The following FHAD1 variants were observed in gnomAD, a reference collection of about 807,000 sequenced individuals.
The protein encoded by FHAD1 is forkhead associated phosphopeptide binding domain 1.
FHAD1 carries 146 observed loss-of-function variants against 191.3 expected under a neutral mutation model. The observed-to-expected ratio is 0.76, with a 90% CI of 0.67 to 0.88. The LOEUF (loss-of-function observed/expected upper bound fraction) is 0.88. FHAD1 is among the 40% of genes least tolerant of loss of function. The pLI is 0.00. For missense variants in FHAD1, 1,635 were observed against 1,785.8 expected (o/e 0.92, Z 1.52); for synonymous variants, 616 against 672.3 (o/e 0.92, Z 1.29).
At chr1:15,307,144 TCATTTTGGAG>T (rs965518691) in intron 6 of FHAD1, among the ~76,000 whole-genome samples, 2 of 152,114 alleles carry the variant, frequency 1.3e-5, no homozygotes, top group African/African-American at 4.8e-5. Context: ...AGTCAAAAGA[TCATTTTGGAG>T]CTTTAAAGTT....
At chr1:15,383,958 T>A (rs565577330) in intron 31 of FHAD1, 7 of 386,688 alleles carry the variant, frequency 1.8e-5, no homozygotes, top group South Asian at 1.3e-4. Flanking sequence ...AACTGTCAGC[T>A]TTTATGTGTG....
intron 2 of FHAD1, among the ~76,000 whole-genome samples, chr1:15,256,809 T>C (rs2100893046): frequency 6.6e-6 from 1 of 152,224 alleles, no homozygotes; most frequent in East Asian, 1.9e-4. Context: ...GCGAAGATCA[T>C]GGAGAAAAGC....
At chr1:15,348,033 A>G (rs1689549035) in intron 18 of FHAD1, among the ~76,000 whole-genome samples, 1 of 152,192 alleles carries the variant, frequency 6.6e-6, no homozygotes, top group Admixed American at 6.5e-5. Context: ...AGTCCCTAGG[A>G]AGTGCCTCAA....
In FHAD1 at chr1:15,344,942, C is replaced by T. The variant is rs543401641; in HGVS notation, c.2131-141C>T. ...GTCTCCTGACTCCAGAGCACATGCT[C>T]TGAGCTCCTAGGCTCTGCTGCCCAC... On this transcript the variant is annotated intron_variant, in intron 16 of 33. Transcript: ENST00000688493. The T allele has an allele frequency of 2.0e-5, 13 of 660,158 alleles. No individual in the cohort carries two copies. In the East Asian group the frequency reaches 3.0e-4, roughly 15 times the overall value. The allele number at this position is 660,158 out of a possible 1,614,324, so 40.9% of individuals were successfully genotyped here.
chr1:15,323,618 T>G (rs1040630599), intron 10 of FHAD1, among the ~76,000 whole-genome samples: 7 of 151,992 alleles, frequency 4.6e-5, no homozygotes, highest in African/African-American at 1.7e-4. Context: ...TCTAGGAGAG[T>G]TTGTCTCATT....
rs2102985844 is a variant in FHAD1, at chr1:15,381,071, A to G, written c.3802-160A>G. 6.6e-6 allele frequency among the ~76,000 whole-genome samples: 1 copy of G among 152,342 alleles called. No homozygotes were observed. On this transcript the variant is annotated intron_variant, in intron 29 of 33. Coordinates refer to ENST00000688493, the MANE Select transcript of FHAD1 (RefSeq NM_001391957.1). This position sits in a 1 kb window ranked among gnomAD's most constrained non-coding sequence, Gnocchi z 4.6. Reference sequence around the variant, plus strand: ...AGCGTAAATGGATGTGGGAGAAAGGAAAGTCATGCTGAAAGCCCCAGTTGC... The same window carrying G: ...AGCGTAAATGGATGTGGGAGAAAGGGAAGTCATGCTGAAAGCCCCAGTTGC...
intron 19 of FHAD1, among the ~76,000 whole-genome samples, chr1:15,349,449 C>T (rs1690062528): frequency 6.6e-6 from 1 of 152,216 alleles, no homozygotes; most frequent in Non-Finnish European, 1.5e-5. Flanking sequence ...TTTCTGCTCT[C>T]TGGTTCAGCT....
Position 15,308,727 on chromosome 1 carries a change from A to G in FHAD1, c.1030A>G (p.Ile344Val), listed in dbSNP as rs529500015. The change falls in exon 7 of 34, where the codon ATC (isoleucine) becomes GTC (valine). Residue 344 changes from isoleucine (I) to valine (V), a missense_variant. Ile to Val is a conservative substitution (Grantham distance 29). Transcript: ENST00000688493. ...EGENLKRDNA[I>V]TSGMVSSLQK... ...CGAGAACTTAAAGAGAGACAACGCT[A>G]TCACATCAGGTGAGCCCTTGGAGTC... is the stretch of plus-strand genomic sequence containing the variant. 28 of 1,551,568 alleles carry G rather than the reference A, an allele frequency of 1.8e-5. No individual in the cohort carries two copies. Among genetic ancestry groups the G allele is most frequent in the Middle Eastern group, 1.7e-4 (1 of 6,012 alleles).
chr1:15,380,781 G>A lies in FHAD1; in HGVS notation c.3786G>A (p.Glu1262=). 1 of 1,551,604 alleles carries A rather than the reference G, an allele frequency of 6.4e-7. No homozygotes were observed. The highest frequency in any genetic ancestry group is 8.7e-7 in the Non-Finnish European group (1 of 1,146,968). ...SGKMDVAEAL[E]LSEKLYLDMS... ...AGATGGATGTGGCTGAGGCTTTAGAGCTCAGTGAAAAGCTGGTATGTACAT... is the reference window on the plus strand; with the variant it reads ...AGATGGATGTGGCTGAGGCTTTAGAACTCAGTGAAAAGCTGGTATGTACAT... The change falls in exon 29 of 34, where the codon GAG becomes GAA. Residue 1262 remains glutamate (E), a synonymous_variant. Transcript: ENST00000688493.
chr1:15,350,925 G>C (rs1394528358), intron 19 of FHAD1, among the ~76,000 whole-genome samples: 3 of 152,142 alleles, frequency 2.0e-5, no homozygotes, highest in African/African-American at 7.2e-5. Flanking sequence ...TAAGGGGTGG[G>C]ATCCAAACTA....
intron 26 of FHAD1, among the ~76,000 whole-genome samples, chr1:15,371,115 T>C (rs779145386): frequency 5.3e-5 from 8 of 151,892 alleles, no homozygotes; most frequent in South Asian, 4.2e-4. Flanking sequence ...GGGCAGGGGG[T>C]GTGTGGCACT....
chr1:15,330,049 G>A (rs1011837828), intron 14 of FHAD1: 10 of 154,002 alleles, frequency 6.5e-5, no homozygotes, highest in East Asian at 3.8e-4. Flanking sequence ...CAAAAAAATA[G>A]TGTCACGTTA....
In FHAD1 at chr1:15,272,320, C is replaced by T; in HGVS notation, c.94-3C>T. The T allele has an allele frequency of 6.5e-7, 1 of 1,547,056 alleles. No individual in the cohort carries two copies. The highest frequency in any genetic ancestry group is 8.7e-7 in the Non-Finnish European group (1 of 1,142,948). On this transcript the variant is annotated splice_region_variant and splice_polypyrimidine_tract_variant and intron_variant, in intron 2 of 33. Transcript: ENST00000688493. ...CTACGACTGTCCTCCTTCTCCGTTG[C>T]AGTCTCCTGACATCGACAACCACCA... is the stretch of plus-strand genomic sequence containing the variant.
rs773910914 is a variant in FHAD1, at chr1:15,341,887, C to T, written c.2129C>T (p.Ala710Val). The T allele has an allele frequency of 5.0e-5, 78 of 1,550,400 alleles. No individual in the cohort carries two copies. Among genetic ancestry groups the T allele is most frequent in the East Asian group, 1.7e-4 (7 of 40,918 alleles). ...AKIRQLTEEK[A>V]ALEEYITQER... ...ATCAGGCAACTGACGGAAGAGAAGG[C>T]GGTAAGGTGGTCCCTGCCATTTGCT... The change falls in exon 16 of 34, where the codon GCG becomes GTG. Residue 710 changes from alanine (A) to valine (V), a missense_variant and splice_region_variant. Coordinates refer to ENST00000688493, the MANE Select transcript of FHAD1 (RefSeq NM_001391957.1).
rs371842340 is a variant in FHAD1, at chr1:15,374,675, C to T, written c.3577+44C>T. On this transcript the variant is annotated intron_variant, in intron 27 of 33. Transcript: ENST00000688493. ...AGTCAGAGCAGTGGACCCCAGACTC[C>T]GGCTCACTTTGGGGACTGACCAGTT... 433 of 1,547,496 alleles carry T rather than the reference C, an allele frequency of 2.8e-4. 1 individual carries two copies. The African/African-American group carries it at 5.1e-3, about 18-fold the overall frequency.
chr1:15,375,532 T>A, intron 27 of FHAD1, 71 bp from the exon 28 acceptor site: 1 of 1,393,254 alleles, frequency 7.2e-7, no homozygotes, highest in East Asian at 2.5e-5. Context: ...CTGTAAATAG[T>A]TGCTATGGTT....
chr1:15,295,207 A>C lies in FHAD1; in HGVS notation c.569-1477A>C, dbSNP rs186670015. 2.9e-4 allele frequency among the ~76,000 whole-genome samples: 44 copies of C among 152,308 alleles called. 1 individual carries two copies. The highest frequency in any genetic ancestry group is 4.4e-4 in the Non-Finnish European group (30 of 68,022). The stretch of plus-strand genomic sequence containing the variant: ...GTGGGACCTTCAGCAAGTACTTGAC[A>C]TCCCGGTGCCTCAGTTCCCTCACTT... On this transcript the variant is annotated intron_variant, in intron 4 of 33. Transcript: ENST00000688493.
rs542033065 is a variant in FHAD1 at position 15,375,248 on chromosome 1, C to G, written c.3578-355C>G. On this transcript the variant is annotated intron_variant, in intron 27 of 33. Coordinates refer to ENST00000688493, the MANE Select transcript of FHAD1 (RefSeq NM_001391957.1). ...TGTTGGAGAACCACTTACAGTACCCCCTTTAGAGGGGGTAGAACTCCCCTA... is the reference window on the plus strand; with the variant it reads ...TGTTGGAGAACCACTTACAGTACCCGCTTTAGAGGGGGTAGAACTCCCCTA... Among the ~76,000 whole-genome samples, 15 of 152,246 alleles carry G rather than the reference C, an allele frequency of 9.9e-5. 2 individuals are homozygous for G. In the South Asian group the frequency reaches 3.1e-3, roughly 32 times the overall value.
At chr1:15,324,883 A>C in intron 11 of FHAD1, 1 of 358,546 alleles carries the variant, frequency 2.8e-6, no homozygotes. Context: ...TTTCTCCTTA[A>C]TGTTTTTAGT....
Sources: gnomAD v4.1 joint callset for allele counts (sites outside exome capture counted in the v4.1 genomes callset) on GRCh38, gnomAD v4.1.1 for gene constraint, Gnocchi (gnomAD v3.1) non-coding constraint, MANE v1.5 for transcripts, NCBI Gene and HGNC (gene_info 2026-07-23, HGNC 2026-07-21) for gene names.